AFF3: variants seen among roughly 807,000 people sequenced by gnomAD.
The protein encoded by AFF3 is AF4/FMR2 family member 3.
AFF3 carries 32 observed loss-of-function variants against 129.7 expected under a neutral mutation model. That is an observed-to-expected ratio of 0.25 (90% confidence interval 0.19 to 0.33). The LOEUF is 0.33. AFF3 is among the 10% of genes least tolerant of loss of function. AFF3 has a pLI of 1.00. For missense variants in AFF3, 1,373 were observed against 1,592.0 expected (o/e 0.86, Z 2.34); for synonymous variants, 644 against 635.4 (o/e 1.01, Z -0.20).
chr2:99,681,286 A>G (rs1303677182), intron 11 of AFF3, among the ~76,000 whole-genome samples: 1 of 152,198 alleles, frequency 6.6e-6, no homozygotes, highest in Non-Finnish European at 1.5e-5. Flanking sequence ...TTCAAATGAG[A>G]CAATAAAGGT....
intron 7 of AFF3, among the ~76,000 whole-genome samples, chr2:99,991,114 C>T (rs1178774948): frequency 6.6e-6 from 1 of 152,170 alleles, no homozygotes; most frequent in Non-Finnish European, 1.5e-5. Flanking sequence ...ACCCAGTCTT[C>T]ACCTGAGGTT....
chr2:99,890,008 A>G (rs1414685944), intron 7 of AFF3, among the ~76,000 whole-genome samples: 1 of 152,216 alleles, frequency 6.6e-6, no homozygotes, highest in Non-Finnish European at 1.5e-5. Context: ...CTCATCCACC[A>G]GAAAACACAG....
At chr2:100,120,464 CAA>C (rs1691914736) in intron 2 of AFF3, among the ~76,000 whole-genome samples, 218 of 146,132 alleles carry the variant, frequency 1.5e-3, no homozygotes, top group African/African-American at 3.7e-3. Flanking sequence ...TCTGCACCCC[CAA>C]CCCCCACCCT....
At chr2:99,918,606 T>C (rs1353673183) in intron 7 of AFF3, among the ~76,000 whole-genome samples, 1 of 152,188 alleles carries the variant, frequency 6.6e-6, no homozygotes, top group African/African-American at 2.4e-5. Flanking sequence ...TGACAACAAA[T>C]ATTTATGAGG....
intron 21 of AFF3, 74 bp downstream of exon 21, chr2:99,560,291 C>A: frequency 6.7e-7 from 1 of 1,487,856 alleles, no homozygotes; most frequent in Non-Finnish European, 9.4e-7. Context: ...AAACACTATG[C>A]CTTTCAGCAC....
intron 10 of AFF3, among the ~76,000 whole-genome samples, chr2:99,730,317 A>C (rs1239116206): frequency 6.6e-6 from 1 of 152,190 alleles, no homozygotes; most frequent in Non-Finnish European, 1.5e-5. Context: ...GAGGACTTCT[A>C]TGTTGGGTGC....
chr2:99,836,942 G>C (rs527459242), intron 8 of AFF3, among the ~76,000 whole-genome samples: 8 of 152,266 alleles, frequency 5.3e-5, no homozygotes, highest in Non-Finnish European at 8.8e-5. Flanking sequence ...CACGAAACTG[G>C]TTCAGGGAGG....
At chr2:100,000,665 C>T (rs1200925708) in intron 7 of AFF3, among the ~76,000 whole-genome samples, 5 of 152,174 alleles carry the variant, frequency 3.3e-5, no homozygotes, top group Non-Finnish European at 5.9e-5. Context: ...CTGTGCTAAG[C>T]ATATTACATA....
intron 18 of AFF3, among the ~76,000 whole-genome samples, 167 bp from the exon 19 acceptor site, chr2:99,569,082 A>G (rs1676247393): frequency 6.6e-6 from 1 of 152,258 alleles, no homozygotes; most frequent in African/African-American, 2.4e-5. Context: ...GTCAAATACC[A>G]CAATACATTT....
At chr2:99,809,504 T>C (rs991923401) in intron 8 of AFF3, among the ~76,000 whole-genome samples, 1 of 152,234 alleles carries the variant, frequency 6.6e-6, no homozygotes, top group African/African-American at 2.4e-5. Flanking sequence ...ATTAGGTGAT[T>C]ACCCAGTGTC....
At chr2:99,854,107 A>C (rs10169393) in intron 7 of AFF3, among the ~76,000 whole-genome samples, 95,699 of 151,984 alleles carry the variant, frequency 0.63, 30,882 homozygotes, top group South Asian at 0.75. Flanking sequence ...AGACTTTTTA[A>C]AATTACAAAT....
At chr2:99,665,161 T>C (rs1033146154) in intron 12 of AFF3, among the ~76,000 whole-genome samples, 1 of 152,224 alleles carries the variant, frequency 6.6e-6, no homozygotes, top group African/African-American at 2.4e-5. Flanking sequence ...GTGTCGGCCA[T>C]GCTGAGGGCT....
At chr2:100,050,747 C>G (rs563405782) in intron 4 of AFF3, among the ~76,000 whole-genome samples, 1 of 152,202 alleles carries the variant, frequency 6.6e-6, no homozygotes, top group African/African-American at 2.4e-5. Context: ...ATCATTACCC[C>G]CTCATCTCCC....
intron 1 of AFF3, among the ~76,000 whole-genome samples, chr2:100,132,934 G>GT (rs551841808): frequency 1.7e-3 from 233 of 140,854 alleles, no homozygotes; most frequent in African/African-American, 1.9e-3. Context: ...TTCTGTTTTT[G>GT]TTTTTTTTTT....
intron 7 of AFF3, among the ~76,000 whole-genome samples, chr2:99,883,509 T>C (rs1692882989): frequency 6.6e-6 from 1 of 152,250 alleles, no homozygotes; most frequent in African/African-American, 2.4e-5. Context: ...CCTTTAAGAA[T>C]AAATTCTCTT....
chr2:99,925,589 A>C lies in AFF3; in HGVS notation c.873+81043T>G, dbSNP rs541487551. 2.0e-5 allele frequency among the ~76,000 whole-genome samples: 3 copies of C among 152,348 alleles called. No individual in the cohort carries two copies. The South Asian group carries it at 6.2e-4, about 32-fold the overall frequency. On this transcript the variant is annotated intron_variant, in intron 7 of 24. Coordinates refer to ENST00000672756, the MANE Select transcript of AFF3 (RefSeq NM_001386135.1). ...ATGAGTCTTAGGCAGATGAAAGAAC[A>C]ACTCAAAAGTGAAGACAGACAGTAT...
At chr2:99,762,448 ATGCTACTCAG>A (rs1385445790) in intron 8 of AFF3, among the ~76,000 whole-genome samples, 7 of 152,210 alleles carry the variant, frequency 4.6e-5, no homozygotes, top group African/African-American at 1.2e-4. Context: ...TAGCAACTAC[ATGCTACTCAG>A]TGCTGTGAGC....
At chr2:99,993,586 G>C (rs936022881) in intron 7 of AFF3, among the ~76,000 whole-genome samples, 1 of 151,512 alleles carries the variant, frequency 6.6e-6, no homozygotes. Context: ...ACAAAAACGA[G>C]AGAGAGTTGG....
At chr2:99,945,043 A>T (rs1359698452) in intron 7 of AFF3, among the ~76,000 whole-genome samples, 1 of 152,156 alleles carries the variant, frequency 6.6e-6, no homozygotes, top group African/African-American at 2.4e-5. Flanking sequence ...TGGAGTAACA[A>T]AGGCATGACC....
Sources: allele counts gnomAD v4.1 joint callset (sites outside exome capture counted in the v4.1 genomes callset), GRCh38; gene constraint gnomAD v4.1.1; transcripts MANE v1.5; gene names NCBI Gene and HGNC (gene_info 2026-07-23, HGNC 2026-07-21).